The following SNW1 variants were observed in gnomAD, a reference collection of about 807,000 sequenced individuals.
SNW1 encodes SNW domain containing 1, also known as SNW domain-containing protein 1.
In SNW1, 9 loss-of-function variants were observed where a neutral mutation model predicts 75.6. The observed-to-expected ratio is 0.12, with a 90% CI of 0.07 to 0.21. SNW1 has a LOEUF of 0.21. SNW1 is among the 10% of genes least tolerant of loss of function. SNW1 has a pLI of 1.00. For synonymous variants in SNW1, 200 were observed against 219.1 expected, an observed-to-expected ratio of 0.91 and a Z score of 0.77; for missense variants, 409 against 670.9, an observed-to-expected ratio of 0.61 and a Z score of 4.31.
chr14:77,751,849 A>ACACACACACACACACACAC (rs2080812161), intron 2 of SNW1, among the ~76,000 whole-genome samples: 1 of 132,538 alleles, frequency 7.5e-6, no homozygotes, highest in Admixed American at 7.8e-5. Flanking sequence ...CACACACCAC[A>ACACACACACACACACACAC]CACACACACA....
At chr14:77,737,789 G>A (rs1367794676) in intron 5 of SNW1, among the ~76,000 whole-genome samples, 3 of 152,026 alleles carry the variant, frequency 2.0e-5, no homozygotes, top group African/African-American at 7.2e-5. Context: ...TCAGGAGTTT[G>A]AGACCAGCCT....
intron 1 of SNW1, among the ~76,000 whole-genome samples, chr14:77,757,368 G>A (rs539165529): frequency 1.7e-4 from 26 of 152,286 alleles, no homozygotes; most frequent in African/African-American, 5.3e-4. Flanking sequence ...ATTCAGATCC[G>A]ACCTATGCCA....
chr14:77,740,441 G>C (rs1054283281), intron 3 of SNW1, among the ~76,000 whole-genome samples: 1 of 152,112 alleles, frequency 6.6e-6, no homozygotes, highest in East Asian at 1.9e-4. Flanking sequence ...AAAAGTGTGA[G>C]CCACTTTATG....
At chr14:77,750,805 C>G (rs968325731) in intron 3 of SNW1, among the ~76,000 whole-genome samples, 1 of 152,128 alleles carries the variant, frequency 6.6e-6, no homozygotes, top group African/African-American at 2.4e-5. Flanking sequence ...ATCTGGATAG[C>G]AAATGCTAGT....
At chr14:77,737,617 GA>G (rs2080683239) in intron 5 of SNW1, among the ~76,000 whole-genome samples, 1 of 152,126 alleles carries the variant, frequency 6.6e-6, no homozygotes, top group African/African-American at 2.4e-5. Flanking sequence ...CTTATAAATG[GA>G]AAACTATAAA....
At position 77,738,598 on chromosome 14, in the gene SNW1, AGT is replaced by A. The variant is rs1193391711; in HGVS notation, c.533+178_533+179del. ...ATCTCAGAAAACAAACAAAAACCAA[AGT>A]GGACACCTTAAAAAATTCTGCTTTC... On this transcript the variant is annotated intron_variant, in intron 5 of 13. Transcript: ENST00000261531. The A allele has an allele frequency of 8.2e-5, 49 of 597,854 alleles. No individual in the cohort carries two copies. In the South Asian group the frequency reaches 9.2e-4, roughly 11 times the overall value. The allele number at this position is 597,854 out of a possible 1,614,324, so 37.0% of individuals were successfully genotyped here. A position where few individuals can be genotyped will look rare whatever the true frequency, so the allele number is the denominator to read the frequency against.
At chr14:77,756,658 T>G (rs961867034) in intron 1 of SNW1, among the ~76,000 whole-genome samples, 1 of 152,040 alleles carries the variant, frequency 6.6e-6, no homozygotes, top group African/African-American at 2.4e-5. Flanking sequence ...CCGAGGTGGG[T>G]GGATCACTTG....
intron 9 of SNW1, among the ~76,000 whole-genome samples, chr14:77,731,663 A>T (rs2139903620): frequency 6.6e-6 from 1 of 152,218 alleles, no homozygotes; most frequent in Middle Eastern, 3.4e-3. Context: ...TACAAAAGAC[A>T]TTTTTTTTAT....
intron 3 of SNW1, among the ~76,000 whole-genome samples, chr14:77,740,044 G>A (rs890948752): frequency 6.7e-6 from 1 of 148,800 alleles, no homozygotes; most frequent in Non-Finnish European, 1.5e-5. Flanking sequence ...TGAGGCAGGA[G>A]AATGGCTTTA....
intron 3 of SNW1, among the ~76,000 whole-genome samples, chr14:77,747,807 GC>G (rs1195487954): frequency 2.7e-5 from 4 of 147,254 alleles, no homozygotes; most frequent in African/African-American, 1.0e-4. Flanking sequence ...GGGCGCCTCT[GC>G]CTGGCCGCCG....
chr14:77,751,850 CA>C (rs1362333961), intron 2 of SNW1, among the ~76,000 whole-genome samples: 2 of 67,036 alleles, frequency 3.0e-5, no homozygotes, highest in South Asian at 1.3e-3. Flanking sequence ...ACACACCACA[CA>C]CACACACACA....
At chr14:77,759,699 G>C (rs2080870593) in intron 1 of SNW1, among the ~76,000 whole-genome samples, 1 of 151,948 alleles carries the variant, frequency 6.6e-6, no homozygotes, top group African/African-American at 2.4e-5. Flanking sequence ...CTCTTGGCTG[G>C]GCATGGTAGC....
intron 3 of SNW1, 97 bp from the exon 4 acceptor site, chr14:77,739,158 T>C (rs1380887403): frequency 1.2e-6 from 1 of 835,596 alleles, no homozygotes; most frequent in Non-Finnish European, 2.0e-6. Context: ...TCAGCACACT[T>C]AAAAATTTAG....
At chr14:77,720,573 C>A (rs1364729097) in intron 12 of SNW1, 138 bp downstream of exon 12, 1 of 780,768 alleles carries the variant, frequency 1.3e-6, no homozygotes, top group Admixed American at 1.7e-5. Flanking sequence ...CATCTTGTCT[C>A]AAGTTTCAAC....
rs755492570 is a variant in SNW1 at position 77,720,840 on chromosome 14, TACG to T, written c.1131-15_1131-13del. On this transcript the variant is annotated splice_polypyrimidine_tract_variant and intron_variant, in intron 11 of 13. Coordinates refer to ENST00000261531, the MANE Select transcript of SNW1 (RefSeq NM_012245.3). ...TCTGAAGTTTCGACCTATTTTGAAATACGACATCACTAACTGAAAACTCTTTAT... is the reference window on the plus strand; with the variant it reads ...TCTGAAGTTTCGACCTATTTTGAAATACATCACTAACTGAAAACTCTTTAT... 1.7e-5 allele frequency: 27 copies of T among 1,544,876 alleles called. No homozygotes were observed. The highest frequency in any genetic ancestry group is 2.1e-5 in the Non-Finnish European group (23 of 1,118,164).
intron 3 of SNW1, among the ~76,000 whole-genome samples, chr14:77,747,732 G>A (rs865964341): frequency 2.4e-4 from 36 of 146,960 alleles, no homozygotes; most frequent in African/African-American, 9.1e-4. Context: ...CCCGGCAGCC[G>A]CCCCGTCTGG....
intron 3 of SNW1, among the ~76,000 whole-genome samples, chr14:77,749,608 T>TG: frequency 6.6e-6 from 1 of 151,762 alleles, no homozygotes; most frequent in East Asian, 2.0e-4. Flanking sequence ...CTACTAAAAA[T>TG]ACAAAAAAAT....
At chr14:77,740,740 CAA>C (rs1454680217) in intron 3 of SNW1, among the ~76,000 whole-genome samples, 2 of 152,136 alleles carry the variant, frequency 1.3e-5, no homozygotes, top group African/African-American at 2.4e-5. Context: ...TTACTGTGAT[CAA>C]GACTGTTCAC....
At chr14:77,743,461 C>T (rs2080734975) in intron 3 of SNW1, among the ~76,000 whole-genome samples, 1 of 152,150 alleles carries the variant, frequency 6.6e-6, no homozygotes, top group African/African-American at 2.4e-5. Context: ...ATTTTCCATT[C>T]TTACTCATTC....
Sources: allele counts gnomAD v4.1 joint callset (sites outside exome capture counted in the v4.1 genomes callset), GRCh38; gene constraint gnomAD v4.1.1; transcripts MANE v1.5; gene names NCBI Gene and HGNC (gene_info 2026-07-23, HGNC 2026-07-21).